FSHR: variants seen among roughly 807,000 people sequenced by gnomAD.
FSHR encodes follicle stimulating hormone receptor.
FSHR carries 46 observed loss-of-function variants against 52.1 expected under a neutral mutation model. The observed-to-expected ratio is 0.88, with a 90% confidence interval of 0.70 to 1.13. The LOEUF (loss-of-function observed/expected upper bound fraction) is 1.13. FSHR is among the 50% of genes most tolerant of loss of function. The pLI, the probability that FSHR is intolerant of heterozygous loss-of-function variation, is 0.00. For synonymous variants in FSHR, 399 were observed against 309.6 expected (o/e 1.29, Z -3.03); for missense variants, 964 against 834.6 (o/e 1.16, Z -1.91).
At chr2:49,150,733 A>G (rs1673032338) in intron 1 of FSHR, among the ~76,000 whole-genome samples, 1 of 152,094 alleles carries the variant, frequency 6.6e-6, no homozygotes, top group South Asian at 2.1e-4. Context: ...CCCCTAGTTT[A>G]GTACTTTCTC....
chr2:49,057,180 A>G (rs1669094031), intron 2 of FSHR, among the ~76,000 whole-genome samples: 1 of 152,144 alleles, frequency 6.6e-6, no homozygotes, highest in African/African-American at 2.4e-5. Context: ...GCAGAAATAA[A>G]TGAAATTAAC....
At position 48,962,691 on chromosome 2, in the gene FSHR, T is replaced by C. The variant is rs750103835; in HGVS notation, c.*42A>G. On this transcript the variant is annotated 3_prime_UTR_variant, in exon 10 of 10. Coordinates refer to ENST00000406846, the MANE Select transcript of FSHR (RefSeq NM_000145.4). ...GTGACATACCCTTCAAAGGCAAGACTGAATTATCATTCAATACTCAGATAC... is the reference window on the plus strand; with the variant it reads ...GTGACATACCCTTCAAAGGCAAGACCGAATTATCATTCAATACTCAGATAC... The C allele has an allele frequency of 6.3e-7, 1 of 1,591,522 alleles. No homozygotes were observed. The highest frequency in any genetic ancestry group is 2.2e-5 in the East Asian group (1 of 44,706).
At chr2:48,989,499 T>C (rs1675673115) in intron 5 of FSHR, among the ~76,000 whole-genome samples, 1 of 152,176 alleles carries the variant, frequency 6.6e-6, no homozygotes, top group Non-Finnish European at 1.5e-5. Context: ...CCCAGGCTGG[T>C]GTCAAACCCT....
At chr2:49,034,850 A>C (rs577073601) in intron 2 of FSHR, among the ~76,000 whole-genome samples, 1 of 152,164 alleles carries the variant, frequency 6.6e-6, no homozygotes, top group South Asian at 2.1e-4. Flanking sequence ...AGCATTTCTC[A>C]CCCCTGGAGA....
intron 1 of FSHR, among the ~76,000 whole-genome samples, chr2:49,104,807 A>T (rs1671164044): frequency 7.4e-6 from 1 of 134,998 alleles, no homozygotes; most frequent in Admixed American, 7.8e-5. Context: ...TATTTCCACC[A>T]GTTCTGCTTA....
chr2:49,078,474 G>A (rs144082817), intron 1 of FSHR, among the ~76,000 whole-genome samples: 2,700 of 152,166 alleles, frequency 0.018, 32 homozygotes, highest in Non-Finnish European at 0.027. Context: ...AGTAGACAGG[G>A]ACAATAAAAG....
intron 1 of FSHR, among the ~76,000 whole-genome samples, chr2:49,102,469 A>G (rs988097141): frequency 6.6e-6 from 1 of 152,168 alleles, no homozygotes; most frequent in Non-Finnish European, 1.5e-5. Context: ...GGTCAAAATC[A>G]AGACGTATGG....
intron 1 of FSHR, among the ~76,000 whole-genome samples, chr2:49,132,514 T>A (rs1334030163): frequency 6.6e-6 from 1 of 152,178 alleles, no homozygotes; most frequent in Non-Finnish European, 1.5e-5. Context: ...TTGGCCTTAT[T>A]TTGCAGGTGA....
intron 1 of FSHR, among the ~76,000 whole-genome samples, chr2:49,071,176 A>C (rs1164197255): frequency 2.0e-5 from 3 of 152,194 alleles, no homozygotes. Context: ...AACATCCAGA[A>C]ATCTTTCATA....
chr2:49,138,399 C>T (rs566681186), intron 1 of FSHR, among the ~76,000 whole-genome samples: 92 of 152,262 alleles, frequency 6.0e-4, no homozygotes, highest in African/African-American at 2.2e-3. Context: ...AAAACTTGTA[C>T]ACAAATGTTT....
chr2:49,118,066 C>T (rs565942895), intron 1 of FSHR, among the ~76,000 whole-genome samples: 2 of 152,168 alleles, frequency 1.3e-5, no homozygotes, highest in East Asian at 1.9e-4. Context: ...TAGGTGTAGC[C>T]GATGGCTCTG....
chr2:49,016,254 C>G (rs776935364), intron 4 of FSHR, among the ~76,000 whole-genome samples: 3 of 152,172 alleles, frequency 2.0e-5, no homozygotes, highest in Admixed American at 6.6e-5. Context: ...TCAAAAGTGG[C>G]TTCAAAAAAT....
intron 4 of FSHR, 152 bp downstream of exon 4, chr2:49,017,337 C>T (rs763589525): frequency 8.3e-5 from 51 of 615,170 alleles, no homozygotes; most frequent in Non-Finnish European, 1.3e-4. Context: ...AACTAAAATC[C>T]ATCACCAAGT....
At chr2:48,970,113 A>G (rs1559078724) in intron 8 of FSHR, among the ~76,000 whole-genome samples, 7 of 152,172 alleles carry the variant, frequency 4.6e-5, no homozygotes, top group Admixed American at 2.6e-4. Flanking sequence ...GTGAATATAT[A>G]TTTGCTACCC....
At chr2:49,008,968 T>G (rs1207251482) in intron 4 of FSHR, among the ~76,000 whole-genome samples, 2 of 152,030 alleles carry the variant, frequency 1.3e-5, no homozygotes, top group Non-Finnish European at 2.9e-5. Flanking sequence ...TTTCTCCCAC[T>G]TTGTAGGTTG....
At chr2:49,056,141 T>C (rs1267906168) in intron 2 of FSHR, among the ~76,000 whole-genome samples, 1 of 152,136 alleles carries the variant, frequency 6.6e-6, no homozygotes, top group Admixed American at 6.5e-5. Context: ...CACCTATTAA[T>C]AATAATCTTG....
intron 1 of FSHR, among the ~76,000 whole-genome samples, chr2:49,071,564 G>C (rs57825020): frequency 0.17 from 25,931 of 152,126 alleles, 2,158 homozygotes; most frequent in Middle Eastern, 0.21. Context: ...ACACAAGAAG[G>C]AATAGTGAAT....
At chr2:49,139,211 G>A (rs79473867) in intron 1 of FSHR, among the ~76,000 whole-genome samples, 2,685 of 152,276 alleles carry the variant, frequency 0.018, 44 homozygotes, top group Non-Finnish European at 0.025. Flanking sequence ...TTTAAAAAGG[G>A]ATTTTGGTGT....
chr2:49,060,592 T>G (rs1669250941), intron 2 of FSHR, among the ~76,000 whole-genome samples: 1 of 152,150 alleles, frequency 6.6e-6, no homozygotes, highest in African/African-American at 2.4e-5. Context: ...ACATTGCCCC[T>G]GGGAAGTCAA....
Sources: allele counts gnomAD v4.1 joint callset (sites outside exome capture counted in the v4.1 genomes callset), GRCh38; gene constraint gnomAD v4.1.1; transcripts MANE v1.5; gene names NCBI Gene and HGNC (gene_info 2026-07-23, HGNC 2026-07-21).